The following NAALADL2 variants were observed in gnomAD, a reference collection of about 807,000 sequenced individuals.
NAALADL2 encodes the protein N-acetylated alpha-linked acidic dipeptidase like 2, also known as inactive N-acetylated-alpha-linked acidic dipeptidase-like protein 2.
A neutral mutation model predicts 87.2 loss-of-function variants in NAALADL2; 76 were observed. The observed-to-expected ratio is 0.87, with a 90% CI of 0.72 to 1.05. The LOEUF (loss-of-function observed/expected upper bound fraction) is 1.05. Among genes scored for constraint, NAALADL2 ranks in the 50% least tolerant of loss-of-function variants. NAALADL2 has a pLI of 0.00. For synonymous variants in NAALADL2, 354 were observed against 331.0 expected (o/e 1.07, Z -0.75); for missense variants, 1,089 against 945.8 (o/e 1.15, Z -1.99).
chr3:175,764,747 A>C (rs1470384411), intron 13 of NAALADL2, among the ~76,000 whole-genome samples: 4 of 152,146 alleles, frequency 2.6e-5, no homozygotes, highest in African/African-American at 9.7e-5. Context: ...TTAAAAAGCC[A>C]CATTTCTCAG....
intron 3 of NAALADL2, among the ~76,000 whole-genome samples, chr3:174,840,205 G>A (rs1723862975): frequency 6.6e-6 from 1 of 150,838 alleles, no homozygotes. Flanking sequence ...ATGTGTGTGT[G>A]TATATATATA....
intron 9 of NAALADL2, among the ~76,000 whole-genome samples, chr3:175,484,771 T>C (rs999409614): frequency 5.9e-5 from 9 of 152,138 alleles, no homozygotes; most frequent in Middle Eastern, 3.2e-3. Flanking sequence ...ATTAGCAACC[T>C]TACCCAGGAG....
chr3:174,649,493 C>T (rs1180301196), intron 2 of NAALADL2, among the ~76,000 whole-genome samples: 6 of 151,874 alleles, frequency 4.0e-5, no homozygotes, highest in Non-Finnish European at 1.5e-5. Flanking sequence ...TATTTTTGCT[C>T]TTCATTTTCA....
chr3:175,071,687 C>T (rs1277666922), intron 1 of NAALADL2, among the ~76,000 whole-genome samples: 1 of 151,838 alleles, frequency 6.6e-6, no homozygotes, highest in African/African-American at 2.4e-5. Flanking sequence ...GACACAGCCA[C>T]CAATGCCTGG....
chr3:174,643,943 A>G (rs1723519362), intron 2 of NAALADL2, among the ~76,000 whole-genome samples: 1 of 152,206 alleles, frequency 6.6e-6, no homozygotes, highest in Admixed American at 6.5e-5. Context: ...TATGTTACGG[A>G]TAGTGGAGAC....
rs1173535624 is a variant in NAALADL2 at position 174,842,989 on chromosome 3, G to A, written c.-9+105243G>A. 3.3e-5 allele frequency among the ~76,000 whole-genome samples: 5 copies of A among 151,672 alleles called. No homozygotes were observed. The South Asian group carries it at 8.3e-4, about 25-fold the overall frequency. On this transcript the variant is annotated intron_variant, in intron 3 of 3. Transcript: ENST00000434257. ...TCAATTTTTTTAAAAATTTTAATTG[G>A]TAAATTGTAATTGTATATATTTATG...
At chr3:175,236,316 C>A (rs557008756) in intron 3 of NAALADL2, among the ~76,000 whole-genome samples, 2 of 151,886 alleles carry the variant, frequency 1.3e-5, no homozygotes, top group African/African-American at 4.8e-5. Context: ...GAGGCCGAGG[C>A]GGGTGGATCA....
intron 9 of NAALADL2, among the ~76,000 whole-genome samples, chr3:175,499,547 G>A (rs1239781463): frequency 1.3e-5 from 2 of 151,506 alleles, no homozygotes; most frequent in South Asian, 4.2e-4. Flanking sequence ...TTAGTTCTTA[G>A]ATCTACTTGG....
chr3:175,435,781 G>T (rs575159690), intron 5 of NAALADL2, among the ~76,000 whole-genome samples: 1 of 151,042 alleles, frequency 6.6e-6, no homozygotes, highest in Non-Finnish European at 1.5e-5. Flanking sequence ...CTGATGATCC[G>T]TACCTATGGA....
chr3:174,983,329 A>C lies in NAALADL2; in HGVS notation c.44-113461A>C, dbSNP rs147950152. Among the ~76,000 whole-genome samples the C allele has an allele frequency of 3.8e-4, 58 of 152,238 alleles. No homozygotes were observed. In the East Asian group the frequency reaches 8.3e-3, roughly 22 times the overall value. ...CTCTTGGCTATAGGGGTGGTCTCTG[A>C]TACCTGGTCCTGGTGATTTATGGCA... On this transcript the variant is annotated intron_variant, in intron 1 of 13. Transcript: ENST00000454872.
At position 175,496,758 on chromosome 3, in the gene NAALADL2, C is replaced by G. The variant is rs79538921; in HGVS notation, c.1653+25000C>G. ...TTTTTTTTGCAGAGACAGGGTTTTA[C>G]CATGTTGTCCAGGCTGGTCTTGAAC... On this transcript the variant is annotated intron_variant, in intron 9 of 13. Transcript: ENST00000454872. 3.9e-3 allele frequency among the ~76,000 whole-genome samples: 596 copies of G among 151,978 alleles called. 10 individuals are homozygous for G. In the East Asian group the frequency reaches 0.048, roughly 12 times the overall value.
chr3:175,224,458 T>C (rs1244214511), intron 2 of NAALADL2, among the ~76,000 whole-genome samples: 6 of 152,108 alleles, frequency 3.9e-5, no homozygotes. Context: ...TGTTAATATG[T>C]ATAAGATCAT....
intron 11 of NAALADL2, among the ~76,000 whole-genome samples, chr3:175,658,603 A>C (rs577072081): frequency 1.3e-5 from 2 of 152,262 alleles, no homozygotes; most frequent in African/African-American, 4.8e-5. Context: ...AACAACAAAC[A>C]ATCAGTTCTC....
chr3:174,567,471 C>T (rs1413352299), intron 2 of NAALADL2, among the ~76,000 whole-genome samples: 1 of 151,270 alleles, frequency 6.6e-6, no homozygotes, highest in Non-Finnish European at 1.5e-5. Flanking sequence ...TTTCCCTAGT[C>T]ATATTATTTA....
chr3:175,652,581 C>T (rs951345133), intron 11 of NAALADL2, among the ~76,000 whole-genome samples: 86 of 151,014 alleles, frequency 5.7e-4, no homozygotes, highest in Non-Finnish European at 1.1e-3. Flanking sequence ...CGGGTTCACG[C>T]CATTCTCCTG....
At chr3:175,573,565 GAAC>G (rs1412810219) in intron 9 of NAALADL2, among the ~76,000 whole-genome samples, 1 of 152,122 alleles carries the variant, frequency 6.6e-6, no homozygotes, top group Non-Finnish European at 1.5e-5. Context: ...TAAAAACAAA[GAAC>G]AACAACAAAA....
intron 5 of NAALADL2, among the ~76,000 whole-genome samples, chr3:175,438,033 G>A (rs764957065): frequency 1.1e-4 from 17 of 151,976 alleles, no homozygotes; most frequent in Non-Finnish European, 1.6e-4. Flanking sequence ...CAATTTCGTG[G>A]TTTCAAATTT....
At chr3:174,713,840 A>G (rs1578651168) in intron 2 of NAALADL2, among the ~76,000 whole-genome samples, 1 of 151,808 alleles carries the variant, frequency 6.6e-6, no homozygotes, top group South Asian at 2.1e-4. Context: ...TTTTGTTGCC[A>G]TTGCTTTTGG....
chr3:174,565,844 A>G (rs9290504), intron 2 of NAALADL2, among the ~76,000 whole-genome samples: 38,517 of 151,906 alleles, frequency 0.25, 6,209 homozygotes, highest in East Asian at 0.75. Flanking sequence ...GGTGATGTCA[A>G]TTTGGATTTT....
Sources: allele counts gnomAD v4.1 joint callset (sites outside exome capture counted in the v4.1 genomes callset), GRCh38; gene constraint gnomAD v4.1.1; transcripts MANE v1.5; gene names NCBI Gene and HGNC (gene_info 2026-07-23, HGNC 2026-07-21).